The following ATF7IP2 variants were observed in gnomAD, a reference collection of about 807,000 sequenced individuals.
ATF7IP2 encodes activating transcription factor 7-interacting protein 2.
Under a neutral mutation model 64.2 loss-of-function variants are expected in ATF7IP2, and 42 were observed. The observed-to-expected ratio is 0.65, with a 90% CI of 0.51 to 0.85. The LOEUF is 0.85. Ranked by LOEUF, ATF7IP2 falls within the 40% of genes least tolerant of loss-of-function variation. The pLI is 0.00. For missense variants in ATF7IP2, 933 were observed against 784.2 expected (o/e 1.19, Z -2.27); for synonymous variants, 308 against 272.8 (o/e 1.13, Z -1.27).
intron 10 of ATF7IP2, among the ~76,000 whole-genome samples, chr16:10,473,271 C>T (rs2049874884): frequency 6.6e-6 from 1 of 152,258 alleles, no homozygotes; most frequent in African/African-American, 2.4e-5. Flanking sequence ...TGCAAAGTTA[C>T]AGAAAGACAA....
chr16:10,415,509 A>G (rs1033808845), intron 2 of ATF7IP2, among the ~76,000 whole-genome samples: 1 of 152,228 alleles, frequency 6.6e-6, no homozygotes, highest in Non-Finnish European at 1.5e-5. Context: ...ACCCCAAACT[A>G]TGAAACTGCT....
intron 12 of ATF7IP2, among the ~76,000 whole-genome samples, chr16:10,478,048 G>T (rs909041772): frequency 1.1e-4 from 16 of 151,178 alleles, no homozygotes; most frequent in Non-Finnish European, 1.2e-4. Context: ...TGGGTAGGAA[G>T]AATCAATATC....
intron 8 of ATF7IP2, chr16:10,454,059 G>C (rs1439346623): frequency 2.0e-5 from 3 of 151,454 alleles, no homozygotes; most frequent in Admixed American, 6.6e-5. Flanking sequence ...TCTTTGTAAG[G>C]AATTTATCCA....
At chr16:10,402,792 C>A (rs2047560594) in intron 1 of ATF7IP2, among the ~76,000 whole-genome samples, 1 of 151,842 alleles carries the variant, frequency 6.6e-6, no homozygotes. Flanking sequence ...AATTTGTTCA[C>A]AGCCAGGTAC....
chr16:10,429,716 T>TTTTATTTTATTTTATTTTA (rs2048178910), intron 4 of ATF7IP2, among the ~76,000 whole-genome samples: 1 of 143,182 alleles, frequency 7.0e-6, no homozygotes, highest in Non-Finnish European at 1.5e-5. Context: ...TTTTATTTTA[T>TTTTATTTTATTTTATTTTA]TTTATTTTAT....
intron 1 of ATF7IP2, among the ~76,000 whole-genome samples, chr16:10,388,867 C>A (rs896046993): frequency 3.3e-5 from 5 of 152,064 alleles, no homozygotes; most frequent in African/African-American, 1.2e-4. Flanking sequence ...AAAAAATTAG[C>A]CGGGCGTGGT....
Position 10,481,918 on chromosome 16 carries a change from C to T in ATF7IP2, c.1718C>T (p.Thr573Ile). 1 of 1,614,044 alleles carries T rather than the reference C, an allele frequency of 6.2e-7. No individual in the cohort carries two copies. Among genetic ancestry groups the T allele is most frequent in the South Asian group, 1.1e-5 (1 of 91,062 alleles). The change falls in exon 14 of 14, where the codon ACA becomes ATA. Residue 573 changes from threonine (T) to isoleucine (I), a missense_variant. By Grantham distance (89) the Thr-to-Ile change is moderately conservative. Coordinates refer to ENST00000562102, the MANE Select transcript of ATF7IP2 (RefSeq NM_001393719.1). ...GAATTAGTAGACAAAACCCGAGACA[C>T]ACTTCCTCCCCAGAAGCCTGAGCTC... is the stretch of plus-strand genomic sequence containing the variant. The part of the protein sequence containing the change: ...LPELVDKTRD[T>I]LPPQKPELKV...
chr16:10,457,382 C>T lies in ATF7IP2; in HGVS notation c.1205C>T (p.Ser402Leu). 1 of 1,601,754 alleles carries T rather than the reference C, an allele frequency of 6.2e-7. No homozygotes were observed. Among genetic ancestry groups the T allele is most frequent in the Non-Finnish European group, 8.5e-7 (1 of 1,176,720 alleles). Residue 402 changes from serine (S) to leucine (L), a missense_variant, in exon 9 of 14, where the codon TCA becomes TTA. Transcript: ENST00000562102. Reference protein sequence around the residue: ...SSNGASKVANSEAMILDKNLE... With the variant: ...SSNGASKVANLEAMILDKNLE... The stretch of plus-strand genomic sequence containing the variant: ...TCACCTATTTAATAGGTTGCAAATT[C>T]AGAGGCTATGATTTTGGATAAGAAT...
chr16:10,438,278 G>C, intron 7 of ATF7IP2, 43 bp downstream of exon 7: 2 of 1,562,276 alleles, frequency 1.3e-6, no homozygotes, highest in Non-Finnish European at 1.7e-6. Context: ...GGGAGTAGGG[G>C]GTGTTGTTGC....
intron 5 of ATF7IP2, among the ~76,000 whole-genome samples, chr16:10,431,786 G>C (rs57937157): frequency 0.047 from 7,077 of 149,566 alleles, 191 homozygotes; most frequent in South Asian, 0.064. Flanking sequence ...CTAGTTGAAA[G>C]AGTGAGTTTT....
chr16:10,425,001 AAC>A (rs2048055064), intron 3 of ATF7IP2, among the ~76,000 whole-genome samples: 1 of 152,156 alleles, frequency 6.6e-6, no homozygotes, highest in Non-Finnish European at 1.5e-5. Flanking sequence ...AGAACAAAGA[AAC>A]ATGAAAACAT....
At chr16:10,479,589 C>T (rs1185024993) in intron 12 of ATF7IP2, among the ~76,000 whole-genome samples, 1 of 151,454 alleles carries the variant, frequency 6.6e-6, no homozygotes, top group African/African-American at 2.4e-5. Context: ...CAGCATGGCA[C>T]ATGTATACAT....
chr16:10,393,974 C>G (rs966359639), intron 1 of ATF7IP2, among the ~76,000 whole-genome samples: 1 of 152,118 alleles, frequency 6.6e-6, no homozygotes, highest in Admixed American at 6.5e-5. Flanking sequence ...CCCAGGAGTT[C>G]AAGGCTGCAG....
chr16:10,416,517 G>T (rs1381029393), intron 2 of ATF7IP2, among the ~76,000 whole-genome samples: 4 of 152,196 alleles, frequency 2.6e-5, no homozygotes, highest in African/African-American at 7.2e-5. Flanking sequence ...AATGGGCCAG[G>T]CACAGTGGCT....
In ATF7IP2 at chr16:10,431,677, C is replaced by T. The variant is rs2048259990; in HGVS notation, c.835+222C>T. On this transcript the variant is annotated intron_variant, in intron 5 of 13. Transcript: ENST00000562102. ...GCAAAGAAGGAATCAATCACTTTTC[C>T]TTAAGTACAAAATATCAAAAGGTGG... Among the ~76,000 whole-genome samples, 3 of 152,072 alleles carry T rather than the reference C, an allele frequency of 2.0e-5. No homozygotes were observed. The South Asian group carries it at 6.2e-4, about 32-fold the overall frequency.
In ATF7IP2 at chr16:10,395,718, G is replaced by A. The variant is rs573925081; in HGVS notation, c.-242+9596G>A. On this transcript the variant is annotated intron_variant, in intron 1 of 13. Transcript: ENST00000562102. ...AAGAGATAGTGAAAAGCATTGATAA[G>A]ATCCAGTGTCCCTTCATGATAAAAA... Among the ~76,000 whole-genome samples, 56 of 152,288 alleles carry A rather than the reference G, an allele frequency of 3.7e-4. No individual in the cohort carries two copies. The South Asian group carries it at 0.012, about 32-fold the overall frequency.
At chr16:10,452,588 C>T (rs1330808120) in intron 8 of ATF7IP2, among the ~76,000 whole-genome samples, 3 of 152,186 alleles carry the variant, frequency 2.0e-5, no homozygotes, top group Admixed American at 6.5e-5. Context: ...GGGTCAGGGA[C>T]CCACTTGAGG....
At chr16:10,402,249 C>G (rs1201385919) in intron 1 of ATF7IP2, among the ~76,000 whole-genome samples, 1 of 152,144 alleles carries the variant, frequency 6.6e-6, no homozygotes, top group Non-Finnish European at 1.5e-5. Context: ...ACTGCCTTTG[C>G]TATATCCCAG....
intron 9 of ATF7IP2, among the ~76,000 whole-genome samples, chr16:10,469,962 A>G (rs890673521): frequency 6.6e-6 from 1 of 152,064 alleles, no homozygotes; most frequent in African/African-American, 2.4e-5. Flanking sequence ...TAGGGGAAAA[A>G]CAGACTTTTT....
Sources: allele counts gnomAD v4.1 joint callset (sites outside exome capture counted in the v4.1 genomes callset), GRCh38; gene constraint gnomAD v4.1.1; transcripts MANE v1.5; gene names NCBI Gene and HGNC (gene_info 2026-07-23, HGNC 2026-07-21).